The following FBXW7 variants were observed in gnomAD, a reference collection of about 807,000 sequenced individuals.
The protein encoded by FBXW7 is F-box and WD repeat domain containing 7.
Under a neutral mutation model 86.3 loss-of-function variants are expected in FBXW7, and 11 were observed. The ratio of observed to expected loss-of-function variants is 0.13; its 90% CI spans 0.08 to 0.21. The LOEUF is 0.21. Ranked by LOEUF, FBXW7 falls within the 10% of genes least tolerant of loss-of-function variation. FBXW7 has a pLI of 1.00. For synonymous variants in FBXW7, 313 were observed against 297.9 expected, an observed-to-expected ratio of 1.05 and a Z score of -0.52; for missense variants, 488 against 847.4, an observed-to-expected ratio of 0.58 and a Z score of 5.27.
intron 2 of FBXW7, among the ~76,000 whole-genome samples, chr4:152,452,449 T>C (rs1428251944): frequency 1.3e-5 from 2 of 152,234 alleles, no homozygotes; most frequent in African/African-American, 2.4e-5. Flanking sequence ...AAAATGCTTC[T>C]GAATTTTCAC....
intron 4 of FBXW7, among the ~76,000 whole-genome samples, chr4:152,385,375 A>C (rs981098540): frequency 2.6e-5 from 4 of 152,058 alleles, no homozygotes; most frequent in Admixed American, 2.6e-4. Flanking sequence ...TCAATATTAT[A>C]AATTTTCACT....
At chr4:152,451,944 A>T (rs963825263) in intron 2 of FBXW7, among the ~76,000 whole-genome samples, 1 of 152,154 alleles carries the variant, frequency 6.6e-6, no homozygotes, top group African/African-American at 2.4e-5. Flanking sequence ...TTCCTGAGAC[A>T]CTTACATGGA....
chr4:152,519,876 G>A (rs968884544), intron 2 of FBXW7, among the ~76,000 whole-genome samples: 19 of 152,158 alleles, frequency 1.2e-4, no homozygotes, highest in African/African-American at 4.3e-4. Flanking sequence ...AGTTCTGCAA[G>A]TCAAAATTCC....
chr4:152,465,193 G>GA (rs35606609), intron 2 of FBXW7, among the ~76,000 whole-genome samples: 2,062 of 144,554 alleles, frequency 0.014, 22 homozygotes, highest in Middle Eastern at 0.039. Flanking sequence ...TACCTTCAAG[G>GA]AAAAAAAAAA....
intron 2 of FBXW7, among the ~76,000 whole-genome samples, chr4:152,472,126 T>C (rs1744022064): frequency 6.6e-6 from 1 of 152,026 alleles, no homozygotes; most frequent in Non-Finnish European, 1.5e-5. Context: ...CTAACTTTTA[T>C]CTAAAAAAAG....
intron 4 of FBXW7, among the ~76,000 whole-genome samples, chr4:152,406,817 T>G (rs1228425431): frequency 6.6e-6 from 1 of 152,194 alleles, no homozygotes; most frequent in African/African-American, 2.4e-5. Context: ...TAAAAGAATT[T>G]ATTTCTCTAC....
At chr4:152,488,892 A>T (rs1259791910) in intron 2 of FBXW7, among the ~76,000 whole-genome samples, 1 of 152,120 alleles carries the variant, frequency 6.6e-6, no homozygotes, top group African/African-American at 2.4e-5. Flanking sequence ...AGCAAAGATT[A>T]ATACACAATT....
In FBXW7 at chr4:152,416,272, C is replaced by T. The variant is rs146885602; in HGVS notation, c.-119-3743G>A. ...AGAACTTCGAGCCAGGTCACAAACA[C>T]AACGTCAATTACTTTAAATACATTT... On this transcript the variant is annotated intron_variant, in intron 2 of 13. Coordinates refer to ENST00000281708, the MANE Select transcript of FBXW7 (RefSeq NM_001349798.2). Among the ~76,000 whole-genome samples the T allele has an allele frequency of 5.1e-3, 782 of 152,248 alleles. 6 individuals are homozygous for T. Among genetic ancestry groups the T allele is most frequent in the Non-Finnish European group, 8.1e-3 (548 of 68,014 alleles).
intron 2 of FBXW7, among the ~76,000 whole-genome samples, chr4:152,414,866 C>T (rs192170994): frequency 1.1e-4 from 17 of 152,106 alleles, no homozygotes; most frequent in African/African-American, 4.1e-4. Context: ...AAATAGGTTA[C>T]TTAGAGAAAG....
chr4:152,514,077 GT>G (rs1748238506), intron 2 of FBXW7, among the ~76,000 whole-genome samples: 1 of 152,112 alleles, frequency 6.6e-6, no homozygotes, highest in Non-Finnish European at 1.5e-5. Flanking sequence ...GGGATATATT[GT>G]GTTAAATAAA....
intron 2 of FBXW7, among the ~76,000 whole-genome samples, chr4:152,427,092 TGGTGTG>T (rs1404388351): frequency 2.6e-5 from 4 of 152,100 alleles, no homozygotes; most frequent in Admixed American, 6.6e-5. Flanking sequence ...TTAATGAAAT[TGGTGTG>T]GTTATGCTTG....
chr4:152,519,768 T>C (rs1403186041), intron 2 of FBXW7, among the ~76,000 whole-genome samples: 1 of 152,220 alleles, frequency 6.6e-6, no homozygotes, highest in Non-Finnish European at 1.5e-5. Context: ...TCCCCTCCTA[T>C]GTCAGTACAA....
intron 2 of FBXW7, among the ~76,000 whole-genome samples, chr4:152,462,598 A>G (rs534728776): frequency 8.5e-5 from 13 of 152,366 alleles, no homozygotes; most frequent in Admixed American, 3.3e-4. Flanking sequence ...AAAATGCACC[A>G]TAAGGCAAGA....
At chr4:152,520,919 TAATTCATTCAACA>T (rs1748953896) in intron 2 of FBXW7, among the ~76,000 whole-genome samples, 2 of 152,230 alleles carry the variant, frequency 1.3e-5, no homozygotes, top group Non-Finnish European at 2.9e-5. Context: ...GATTTGCTTC[TAATTCATTCAACA>T]AATATTTGCT....
Position 152,515,019 on chromosome 4 carries a change from A to G in FBXW7, c.-120+19922T>C, listed in dbSNP as rs1748345574. ...AGAAATATGGATGAGGGAGCTACAC[A>G]AGCACGTATGGTTTAAGAGAGCCAA... On this transcript the variant is annotated intron_variant, in intron 2 of 13. Transcript: ENST00000281708. Among the ~76,000 whole-genome samples, 5 of 152,222 alleles carry G rather than the reference A, an allele frequency of 3.3e-5. No homozygotes were observed. In the South Asian group the frequency reaches 1.0e-3, roughly 31 times the overall value.
intron 4 of FBXW7, among the ~76,000 whole-genome samples, chr4:152,378,441 T>TC (rs1267127432): frequency 1.5e-4 from 23 of 152,148 alleles, no homozygotes. Context: ...CTCCATTCTC[T>TC]CCTGTGTTGC....
rs770911310 is a variant in FBXW7, at chr4:152,350,060, T to C, written c.566A>G (p.Lys189Arg). 2.4e-5 allele frequency: 37 copies of C among 1,556,648 alleles called. 1 individual carries two copies. Among genetic ancestry groups the C allele is most frequent in the Middle Eastern group, 1.9e-4 (1 of 5,212 alleles). ...ATATTACCTTGTATATTCTGAGACTTTGCATGGTTTCTTTCCCAAAGAAAA... is the reference window on the plus strand; with the variant it reads ...ATATTACCTTGTATATTCTGAGACTCTGCATGGTTTCTTTCCCAAAGAAAA... Reference protein sequence around the residue: ...RSFSLGKKPCKVSEYTSTTGL... With the variant: ...RSFSLGKKPCRVSEYTSTTGL... The change falls in exon 5 of 14, where the codon AAA (lysine) becomes AGA (arginine). Residue 189 changes from lysine (K) to arginine (R), a missense_variant. By Grantham distance (26) the Lys-to-Arg change is conservative (BLOSUM62 2). Around this residue, in one of 4 missense-constraint regions of FBXW7, gnomAD observed 230 missense variants for 240.0 expected, o/e 0.96. Transcript: ENST00000281708.
chr4:152,348,603 T>C, intron 5 of FBXW7: 1 of 337,310 alleles, frequency 3.0e-6, no homozygotes, highest in Non-Finnish European at 4.6e-6. Flanking sequence ...TTTACTAAAA[T>C]GTGTTCTGTA....
chr4:152,352,195 C>T (rs941655340), intron 4 of FBXW7, among the ~76,000 whole-genome samples: 5 of 152,138 alleles, frequency 3.3e-5, no homozygotes, highest in Non-Finnish European at 4.4e-5. Flanking sequence ...ATTTCCAGGT[C>T]AGCATTTAAC....
Sources: allele counts gnomAD v4.1 joint callset (sites outside exome capture counted in the v4.1 genomes callset), GRCh38; gene constraint gnomAD v4.1.1; regional missense constraint gnomAD v4.1.1; transcripts MANE v1.5; gene names NCBI Gene and HGNC (gene_info 2026-07-23, HGNC 2026-07-21).